EIF2D: variants seen among roughly 807,000 people sequenced by gnomAD.
EIF2D encodes hepatocellular carcinoma-associated antigen 56.
A neutral mutation model predicts 77.4 loss-of-function variants in EIF2D; 56 were observed. The observed-to-expected ratio is 0.72, with a 90% CI of 0.58 to 0.90. The LOEUF is 0.90. Among genes scored for constraint, EIF2D ranks in the 40% least tolerant of loss-of-function variants. The probability of loss-of-function intolerance (pLI) is 0.00; values close to 1 mark genes in which losing one functional copy is unlikely to be tolerated. For missense variants in EIF2D, 574 were observed against 706.5 expected, an observed-to-expected ratio of 0.81 and a Z score of 2.13; for synonymous variants, 230 against 271.0, an observed-to-expected ratio of 0.85 and a Z score of 1.49.
chr1:206,583,010 T>C, intron 2 of EIF2D: 1 of 397,580 alleles, frequency 2.5e-6, no homozygotes, highest in South Asian at 2.5e-5. Flanking sequence ...GCCTGTGCAG[T>C]AGGTATTGTT....
chr1:206,576,368 T>C (rs536661887), intron 4 of EIF2D, among the ~76,000 whole-genome samples: 26 of 152,318 alleles, frequency 1.7e-4, no homozygotes, highest in African/African-American at 6.0e-4. Context: ...GGGGTGAGCC[T>C]AGCTGTCTAC....
At chr1:206,609,497 A>G (rs782183145) in intron 2 of EIF2D, 38 bp from the exon 3 acceptor site, 2 of 1,547,510 alleles carry the variant, frequency 1.3e-6, no homozygotes, top group Non-Finnish European at 1.8e-6. Context: ...TACTACCAAA[A>G]AGCCAATCTT....
At position 206,584,365 on chromosome 1, in the gene EIF2D, T is replaced by C. The variant is rs1179094950; in HGVS notation, c.139-3203A>G. 1 of 1,595,146 alleles carries C rather than the reference T, an allele frequency of 6.3e-7. No homozygotes were observed. The highest frequency in any genetic ancestry group is 1.7e-5 in the Admixed American group (1 of 58,984). On this transcript the variant is annotated intron_variant and NMD_transcript_variant, in intron 2 of 5. Coordinates refer to the EIF2D transcript ENST00000472709. The surrounding 1 kb of genome is among the most constrained non-coding windows in gnomAD (Gnocchi z 4.9). ...TGCAAGGCGGACGGCCCTGACCCCCTGTGACATGCCCCCGCTGGCAGAGTG... is the reference window on the plus strand; with the variant it reads ...TGCAAGGCGGACGGCCCTGACCCCCCGTGACATGCCCCCGCTGGCAGAGTG...
In EIF2D at chr1:206,579,844, C is replaced by CGTGGCT. The variant is rs60052829; in HGVS notation, c.*254+842_*254+847dup. 5.4e-3 allele frequency among the ~76,000 whole-genome samples: 821 copies of CGTGGCT among 152,280 alleles called. 10 individuals are homozygous for CGTGGCT. Among genetic ancestry groups the CGTGGCT allele is most frequent in the African/African-American group, 0.018 (769 of 41,570 alleles). On this transcript the variant is annotated intron_variant and NMD_transcript_variant, in intron 4 of 5. Transcript: ENST00000472709. The surrounding 1 kb of genome is among the most constrained non-coding windows in gnomAD (Gnocchi z 4.2). ...GGTGGAAAAAGGATCCGTGAGCCCT[C>CGTGGCT]GTGGCTGTGGCTGGCTGGCCTAATT...
chr1:206,603,960 G>C (rs1230981236), intron 5 of EIF2D, among the ~76,000 whole-genome samples: 2 of 152,126 alleles, frequency 1.3e-5, no homozygotes, highest in Non-Finnish European at 2.9e-5. Flanking sequence ...TTTTTTTCAA[G>C]GTGCAGCGAG....
chr1:206,600,393 C>T (rs917453175), intron 7 of EIF2D, 85 bp from the exon 8 acceptor site: 2 of 1,276,004 alleles, frequency 1.6e-6, no homozygotes, highest in Non-Finnish European at 2.2e-6. Flanking sequence ...CCTTTTTCCT[C>T]AGCCTTCCTC....
chr1:206,585,584 C>T lies in EIF2D; in HGVS notation c.139-4422G>A, dbSNP rs145195112. 9.9e-4 allele frequency: 257 copies of T among 258,844 alleles called. 1 individual carries two copies. The highest frequency in any genetic ancestry group is 1.3e-3 in the Non-Finnish European group (178 of 133,006). 16.0% of individuals were successfully genotyped at this position (258,844 alleles called of 1,614,324 possible). The stretch of plus-strand genomic sequence containing the variant: ...CTCAGGGAGGAGGGGGACCAAGAAA[C>T]TCCCTGTGCTCAGGCACAGGCTGTT... On this transcript the variant is annotated intron_variant and NMD_transcript_variant, in intron 2 of 5. Coordinates refer to the EIF2D transcript ENST00000472709.
downstream of EIF2D, chr1:206,588,632 CT>C (rs1427536139): frequency 3.3e-4 from 51 of 152,410 alleles, 1 homozygote; most frequent in African/African-American, 1.2e-3. Context: ...CATACTGCCC[CT>C]GATCCCAGAA....
intron 2 of EIF2D, chr1:206,585,427 A>G (rs1394561323): frequency 3.0e-5 from 21 of 703,300 alleles, no homozygotes; most frequent in Non-Finnish European, 4.9e-5. Flanking sequence ...TGAGAGAGTG[A>G]GCAGGGGTGG....
chr1:206,594,084 G>T, intron 13 of EIF2D: 1 of 231,346 alleles, frequency 4.3e-6, no homozygotes, highest in Non-Finnish European at 8.4e-6. Context: ...AAACATAAAT[G>T]AAAGCAGAAT....
chr1:206,586,767 C>A, downstream of EIF2D: 1 of 1,391,994 alleles, frequency 7.2e-7, no homozygotes, highest in Admixed American at 1.8e-5. Context: ...CAGGTCGTGT[C>A]AACTTCTAAC....
Position 206,599,866 on chromosome 1 carries a change from C to G in EIF2D, c.949-30G>C, listed in dbSNP as rs1669834876. ...GGGAGAGAGGGCCAGTGGTAGGGGA[C>G]TTCATTGATTCCACACACATACTGA... On this transcript the variant is annotated intron_variant, in intron 8 of 14. Transcript: ENST00000271764. The surrounding 1 kb of genome is among the most constrained non-coding windows in gnomAD (Gnocchi z 4.1). 6.2e-7 allele frequency: 1 copy of G among 1,601,614 alleles called. No homozygotes were observed. The highest frequency in any genetic ancestry group is 1.1e-5 in the South Asian group (1 of 90,564).
chr1:206,582,227 G>A (rs1385563641), intron 2 of EIF2D, among the ~76,000 whole-genome samples: 1 of 152,136 alleles, frequency 6.6e-6, no homozygotes, highest in Non-Finnish European at 1.5e-5. Context: ...ATTCACCCCT[G>A]TATTGTCTCT....
At chr1:206,586,643 G>A (rs10779488), downstream of EIF2D, 147,267 of 584,388 alleles carry the variant, frequency 0.25, 19,301 homozygotes, top group Middle Eastern at 0.36. Flanking sequence ...TTGGAATTTT[G>A]TTGCTGCTAT....
chr1:206,597,689 A>C (rs1553410466), intron 11 of EIF2D, among the ~76,000 whole-genome samples: 1 of 152,228 alleles, frequency 6.6e-6, no homozygotes, highest in Non-Finnish European at 1.5e-5. Flanking sequence ...CCACGCCTGT[A>C]ATCCCAGCAC....
At chr1:206,608,214 G>C (rs1572413013) in intron 4 of EIF2D, 22 bp downstream of exon 4, 1 of 1,600,064 alleles carries the variant, frequency 6.2e-7, no homozygotes, top group Non-Finnish European at 8.5e-7. Flanking sequence ...TCCCCCAAAG[G>C]CACAGTTGCC....
At chr1:206,609,786 C>T (rs1553413507) in intron 2 of EIF2D, among the ~76,000 whole-genome samples, 3 of 152,208 alleles carry the variant, frequency 2.0e-5, no homozygotes, top group African/African-American at 7.2e-5. Flanking sequence ...AGGAAGCCAG[C>T]TGTATAAAAT....
intron 2 of EIF2D, among the ~76,000 whole-genome samples, chr1:206,581,614 GAGAGAGAC>G: frequency 7.3e-6 from 1 of 137,058 alleles, no homozygotes; most frequent in Non-Finnish European, 1.6e-5. Flanking sequence ...GAAAGAAAGA[GAGAGAGAC>G]AGAGAGAGAG....
intron 3 of EIF2D, among the ~76,000 whole-genome samples, 185 bp downstream of exon 3, chr1:206,609,191 C>T (rs575776120): frequency 1.3e-5 from 2 of 152,238 alleles, no homozygotes; most frequent in East Asian, 1.9e-4. Context: ...TTAAGCCTTA[C>T]AACAGGGCCA....
Sources: allele counts gnomAD v4.1 joint callset (sites outside exome capture counted in the v4.1 genomes callset), GRCh38; gene constraint gnomAD v4.1.1; non-coding constraint Gnocchi (gnomAD v3.1); transcripts MANE v1.5; gene names NCBI Gene and HGNC (gene_info 2026-07-23, HGNC 2026-07-21).